Variants in RBFOX1 observed in about 807,000 individuals in gnomAD.
RBFOX1 encodes the protein RNA binding protein fox-1 homolog 1.
In RBFOX1, 8 loss-of-function variants were observed where a neutral mutation model predicts 57.7. That is an observed-to-expected ratio of 0.14 (90% CI 0.08 to 0.25). RBFOX1 has a LOEUF of 0.25. Ranked by LOEUF, RBFOX1 falls within the 10% of genes least tolerant of loss-of-function variation. The probability of loss-of-function intolerance (pLI) is 1.00; values close to 1 mark genes in which losing one functional copy is unlikely to be tolerated. For synonymous variants in RBFOX1, 326 were observed against 222.4 expected (o/e 1.47, Z -4.15); for missense variants, 611 against 548.5 (o/e 1.11, Z -1.14).
At chr16:5,241,557 C>T (rs2062167477) in intron 1 of RBFOX1, among the ~76,000 whole-genome samples, 1 of 152,216 alleles carries the variant, frequency 6.6e-6, no homozygotes, top group Non-Finnish European at 1.5e-5. Context: ...GGTAATGCCC[C>T]TCCTTAGCTG....
intron 2 of RBFOX1, among the ~76,000 whole-genome samples, chr16:6,581,380 T>C (rs1322843601): frequency 6.6e-6 from 1 of 152,182 alleles, no homozygotes; most frequent in Non-Finnish European, 1.5e-5. Flanking sequence ...TTTGAGTCTT[T>C]TAGGGTGCTT....
At chr16:6,379,980 A>C (rs1018030637) in intron 2 of RBFOX1, among the ~76,000 whole-genome samples, 5 of 152,296 alleles carry the variant, frequency 3.3e-5, no homozygotes, top group Non-Finnish European at 7.4e-5. Context: ...CAAGGGAGAG[A>C]GAGCAGATGC....
Position 5,540,340 on chromosome 16 carries a change from T to C in RBFOX1, c.259-58562T>C, listed in dbSNP as rs80226877. Among the ~76,000 whole-genome samples, 960 of 152,290 alleles carry C rather than the reference T, an allele frequency of 6.3e-3. 8 individuals carry two copies. The highest frequency in any genetic ancestry group is 0.022 in the African/African-American group (920 of 41,568). ...TTTGGAAAAAATTGGCATAGACAGATTATGTATACTATGAAATATGAAGAG... is the reference window on the plus strand; with the variant it reads ...TTTGGAAAAAATTGGCATAGACAGACTATGTATACTATGAAATATGAAGAG... On this transcript the variant is annotated intron_variant, in intron 2 of 2. Coordinates refer to the RBFOX1 transcript ENST00000585867.
At chr16:6,140,451 C>G (rs967775056) in intron 1 of RBFOX1, among the ~76,000 whole-genome samples, 1 of 152,144 alleles carries the variant, frequency 6.6e-6, no homozygotes, top group Non-Finnish European at 1.5e-5. Flanking sequence ...CCATCTTGGC[C>G]TCCCAAACTG....
chr16:6,588,320 ACTTAGTTGTC>A (rs1294254638), intron 2 of RBFOX1, among the ~76,000 whole-genome samples: 4 of 151,898 alleles, frequency 2.6e-5, no homozygotes, highest in African/African-American at 7.3e-5. Flanking sequence ...CATGCATCGC[ACTTAGTTGTC>A]CTTATTTCTT....
intron 2 of RBFOX1, chr16:6,483,526 C>A (rs534542342): frequency 1.3e-6 from 2 of 1,534,730 alleles, no homozygotes; most frequent in South Asian, 1.2e-5. Flanking sequence ...TAATTGCAGT[C>A]GTGGGAGATG....
At chr16:6,565,264 T>G (rs1453292291) in intron 2 of RBFOX1, among the ~76,000 whole-genome samples, 2 of 151,798 alleles carry the variant, frequency 1.3e-5, no homozygotes, top group African/African-American at 4.8e-5. Context: ...TTCTTTTCTT[T>G]TTTTTTGTCT....
intron 1 of RBFOX1, among the ~76,000 whole-genome samples, chr16:5,257,520 C>T (rs916414728): frequency 5.9e-5 from 9 of 152,158 alleles, no homozygotes; most frequent in African/African-American, 1.4e-4. Context: ...GAGATGAATA[C>T]GTTTGGACCC....
At chr16:7,500,654 C>G (rs2070450874) in intron 4 of RBFOX1, among the ~76,000 whole-genome samples, 2 of 152,194 alleles carry the variant, frequency 1.3e-5, no homozygotes, top group South Asian at 4.1e-4. Flanking sequence ...AGTTACCTGG[C>G]TCTCAGCTTC....
At chr16:6,193,501 TAAGTGACCTAGAGC>T (rs1408904319) in intron 1 of RBFOX1, among the ~76,000 whole-genome samples, 4 of 146,434 alleles carry the variant, frequency 2.7e-5, no homozygotes, top group African/African-American at 1.0e-4. Flanking sequence ...ATTTACTGGC[TAAGTGACCTAGAGC>T]AAGTCACATA....
chr16:7,202,331 G>C (rs145855960), intron 4 of RBFOX1, among the ~76,000 whole-genome samples: 3 of 150,650 alleles, frequency 2.0e-5, no homozygotes, highest in Admixed American at 1.3e-4. Context: ...CAGAAAACAC[G>C]TGTTGATAAG....
intron 4 of RBFOX1, among the ~76,000 whole-genome samples, chr16:7,265,826 C>G (rs1434865058): frequency 6.6e-6 from 1 of 152,104 alleles, no homozygotes; most frequent in East Asian, 1.9e-4. Flanking sequence ...TGTCCCCACT[C>G]AAATCTCATG....
At chr16:5,546,891 G>T (rs1375643623) in intron 2 of RBFOX1, among the ~76,000 whole-genome samples, 1 of 152,078 alleles carries the variant, frequency 6.6e-6, no homozygotes, top group Non-Finnish European at 1.5e-5. Context: ...AATGGGTAAA[G>T]AACTCTCAAA....
chr16:6,026,812 G>C (rs1466251718), intron 1 of RBFOX1, among the ~76,000 whole-genome samples: 1 of 152,206 alleles, frequency 6.6e-6, no homozygotes, highest in Non-Finnish European at 1.5e-5. Flanking sequence ...CTCACGCTCT[G>C]AGTATGATTT....
At chr16:5,495,345 T>C (rs1423592023) in intron 2 of RBFOX1, among the ~76,000 whole-genome samples, 1 of 152,200 alleles carries the variant, frequency 6.6e-6, no homozygotes, top group Non-Finnish European at 1.5e-5. Flanking sequence ...AGAGAGAGAC[T>C]GAGGGGGAAC....
chr16:7,185,312 C>G (rs979669410), intron 4 of RBFOX1, among the ~76,000 whole-genome samples: 1 of 152,092 alleles, frequency 6.6e-6, no homozygotes. Context: ...CTACTGTACC[C>G]TGGAGCATTT....
At chr16:6,609,532 C>G (rs780447622) in intron 2 of RBFOX1, among the ~76,000 whole-genome samples, 1 of 151,862 alleles carries the variant, frequency 6.6e-6, no homozygotes, top group Non-Finnish European at 1.5e-5. Context: ...TTTGTAACAA[C>G]GGGGTTTCAC....
At chr16:7,430,376 C>G (rs2098667077) in intron 4 of RBFOX1, among the ~76,000 whole-genome samples, 1 of 152,118 alleles carries the variant, frequency 6.6e-6, no homozygotes, top group African/African-American at 2.4e-5. Context: ...ATGGTACCCA[C>G]CTAGGCTGGG....
Position 6,928,426 on chromosome 16 carries a change from G to T in RBFOX1, c.-15-123631G>T, listed in dbSNP as rs531132781. On this transcript the variant is annotated intron_variant, in intron 3 of 15. Transcript: ENST00000550418. ...GAGGTTGTTGTAGGATAATGAAGGGGTGAGCTGGCAGCCAAGAGCTCAGGA... is the reference window on the plus strand; with the variant it reads ...GAGGTTGTTGTAGGATAATGAAGGGTTGAGCTGGCAGCCAAGAGCTCAGGA... 2.0e-5 allele frequency among the ~76,000 whole-genome samples: 3 copies of T among 152,270 alleles called. No homozygotes were observed. In the East Asian group the frequency reaches 5.8e-4, roughly 29 times the overall value.
Sources: gnomAD v4.1 joint callset for allele counts (sites outside exome capture counted in the v4.1 genomes callset) on GRCh38, gnomAD v4.1.1 for gene constraint, MANE v1.5 for transcripts, NCBI Gene and HGNC (gene_info 2026-07-23, HGNC 2026-07-21) for gene names.